The following SCN2A variants were observed in gnomAD, a reference collection of about 807,000 sequenced individuals.
SCN2A encodes the protein sodium voltage-gated channel alpha subunit 2, also known as sodium channel protein type 2 subunit alpha.
A neutral mutation model predicts 188.7 loss-of-function variants in SCN2A; 20 were observed. That is an observed-to-expected ratio of 0.11 (90% CI 0.07 to 0.15). The LOEUF (loss-of-function observed/expected upper bound fraction) is 0.15. Ranked by LOEUF, SCN2A falls within the 10% of genes least tolerant of loss-of-function variation. The pLI, the probability that SCN2A is intolerant of heterozygous loss-of-function variation, is 1.00. For missense variants in SCN2A, 1,278 were observed against 2,445.0 expected (o/e 0.52, Z 10.07); for synonymous variants, 804 against 833.1 (o/e 0.97, Z 0.60).
intron 21 of SCN2A, 126 bp downstream of exon 21, chr2:165,373,473 A>T: frequency 9.5e-7 from 1 of 1,052,158 alleles, no homozygotes; most frequent in Non-Finnish European, 1.4e-6. Context: ...TAGCTAATCA[A>T]TCAAAAATAA....
chr2:165,342,316 A>G lies in SCN2A; in HGVS notation c.2409A>G (p.Thr803=), dbSNP rs1410303600. ...TTTAGGTCTTCACAGGGATCTTCAC[A>G]GCAGAAATGTTTCTCAAGATAATTG... ...VGNLVFTGIF[T]AEMFLKIIAM... The change falls in exon 15 of 27, where the codon ACA becomes ACG. Residue 803 remains threonine, a synonymous_variant. Transcript: ENST00000375437. 1 of 1,613,968 alleles carries G rather than the reference A, an allele frequency of 6.2e-7. No individual in the cohort carries two copies. The highest frequency in any genetic ancestry group is 1.7e-5 in the Admixed American group (1 of 60,030).
chr2:165,291,490 C>CTTTCTTTCTTTCTTTCTTTCT (rs1265345470), intron 1 of SCN2A, among the ~76,000 whole-genome samples: 4 of 22,540 alleles, frequency 1.8e-4, no homozygotes, highest in African/African-American at 5.1e-4. Context: ...TTCTTTCTTT[C>CTTTCTTTCTTTCTTTCTTTCT]TTTTCTTTCT....
intron 20 of SCN2A, chr2:165,372,527 G>T (rs1213878385): frequency 2.0e-5 from 3 of 151,870 alleles, no homozygotes; most frequent in African/African-American, 7.2e-5. Context: ...TATGTCCCCC[G>T]ACCGTTTTTC....
At chr2:165,323,068 A>G (rs1698155466) in intron 11 of SCN2A, 88 bp from the exon 12 acceptor site, 5 of 1,237,986 alleles carry the variant, frequency 4.0e-6, no homozygotes, top group South Asian at 1.3e-5. Context: ...GTCAATGACT[A>G]TGACACAATG....
intron 23 of SCN2A, among the ~76,000 whole-genome samples, chr2:165,377,918 G>T (rs1181103664): frequency 6.6e-6 from 1 of 151,792 alleles, no homozygotes; most frequent in African/African-American, 2.4e-5. Flanking sequence ...TTTTCAAAAT[G>T]AGACATTTTA....
rs112270017 is a variant in SCN2A at position 165,365,154 on chromosome 2, A to G, written c.3411A>G (p.Ala1137=). 1.2e-5 allele frequency: 20 copies of G among 1,613,402 alleles called. No individual in the cohort carries two copies. Among genetic ancestry groups the G allele is most frequent in the African/African-American group, 6.7e-5 (5 of 74,926 alleles). ...GGATTGATTTTCAGAAGCTAAATGCAACTAGTTCATCTGAAGGCAGCACGG... is the reference window on the plus strand; with the variant it reads ...GGATTGATTTTCAGAAGCTAAATGCGACTAGTTCATCTGAAGGCAGCACGG... ...DMEESKEKLN[A]TSSSEGSTVD... Residue 1137 remains alanine, a synonymous_variant, in exon 18 of 27, where the codon GCA becomes GCG. Transcript: ENST00000375437.
chr2:165,273,000 A>G (rs1695171791), intron 1 of SCN2A: 1 of 152,122 alleles, frequency 6.6e-6, no homozygotes, highest in South Asian at 2.1e-4. Flanking sequence ...TATAGGAATT[A>G]TGGTCACAAT....
intron 1 of SCN2A, among the ~76,000 whole-genome samples, chr2:165,262,685 A>G (rs936225644): frequency 6.6e-6 from 1 of 152,094 alleles, no homozygotes; most frequent in Non-Finnish European, 1.5e-5. Context: ...TATTTTTGCA[A>G]TTGTGAATTG....
intron 1 of SCN2A, among the ~76,000 whole-genome samples, chr2:165,283,406 A>G (rs1467578696): frequency 6.6e-6 from 1 of 152,200 alleles, no homozygotes; most frequent in Admixed American, 6.5e-5. Context: ...TAACTCATCA[A>G]TAAATGAATA....
intron 1 of SCN2A, chr2:165,290,553 A>G (rs1696049915): frequency 6.5e-6 from 1 of 154,056 alleles, no homozygotes; most frequent in African/African-American, 2.4e-5. Flanking sequence ...TGTTATTATT[A>G]TGACTAATCT....
chr2:165,373,781 G>A (rs1701168092), intron 21 of SCN2A, among the ~76,000 whole-genome samples: 3 of 152,054 alleles, frequency 2.0e-5, no homozygotes, highest in Admixed American at 1.3e-4. Context: ...AACACAGGCT[G>A]AAATGGCTAA....
chr2:165,374,020 T>C (rs1701183704), intron 21 of SCN2A, among the ~76,000 whole-genome samples: 1 of 152,156 alleles, frequency 6.6e-6, no homozygotes, highest in Admixed American at 6.6e-5. Context: ...AGACTTTATC[T>C]GCATGTTATA....
chr2:165,298,821 T>C (rs548497745), intron 3 of SCN2A, among the ~76,000 whole-genome samples: 3 of 152,250 alleles, frequency 2.0e-5, no homozygotes, highest in East Asian at 3.9e-4. Context: ...TATATAAAAT[T>C]ACGTGGAAAA....
chr2:165,389,890 G>A lies in SCN2A; in HGVS notation c.*66G>A. ...CAGCCCGTGATGGTGATGTGTTTGTGTCAACAGGACTCCCACAGGAGGTCT... is the reference window on the plus strand; with the variant it reads ...CAGCCCGTGATGGTGATGTGTTTGTATCAACAGGACTCCCACAGGAGGTCT... On this transcript the variant is annotated 3_prime_UTR_variant, in exon 27 of 27. Transcript: ENST00000375437. This position sits in a 1 kb window ranked among gnomAD's most constrained non-coding sequence, Gnocchi z 4.2. The A allele has an allele frequency of 6.5e-7, 1 of 1,539,274 alleles. No individual in the cohort carries two copies. Among genetic ancestry groups the A allele is most frequent in the East Asian group, 2.4e-5 (1 of 41,304 alleles).
chr2:165,291,412 CTTCCTCCCTGT>C (rs1696127374), intron 1 of SCN2A, among the ~76,000 whole-genome samples: 6 of 141,184 alleles, frequency 4.2e-5, no homozygotes, highest in African/African-American at 1.3e-4. Flanking sequence ...TCCTTCCTTC[CTTCCTCCCTGT>C]CTGTCTTTCT....
chr2:165,267,442 A>G (rs1317220867), intron 1 of SCN2A: 1 of 152,054 alleles, frequency 6.6e-6, no homozygotes, highest in Admixed American at 6.6e-5. Context: ...TGGTATCCAC[A>G]TGCAGAAGAA....
intron 16 of SCN2A, among the ~76,000 whole-genome samples, chr2:165,348,854 A>G (rs1699742078): frequency 6.6e-6 from 1 of 152,130 alleles, no homozygotes; most frequent in African/African-American, 2.4e-5. Context: ...AGGACTGTTG[A>G]GTGTCCTTAT....
At chr2:165,289,285 A>G (rs1695991357) in intron 1 of SCN2A, among the ~76,000 whole-genome samples, 1 of 152,014 alleles carries the variant, frequency 6.6e-6, no homozygotes, top group Non-Finnish European at 1.5e-5. Context: ...ATCATGTGTA[A>G]TAACATGATT....
chr2:165,260,568 G>A (rs566976509), intron 1 of SCN2A, among the ~76,000 whole-genome samples: 1 of 152,184 alleles, frequency 6.6e-6, no homozygotes, highest in Admixed American at 6.5e-5. Context: ...ATGAGCACTG[G>A]CTTCAACTGA....
Sources: gnomAD v4.1 joint callset for allele counts (sites outside exome capture counted in the v4.1 genomes callset) on GRCh38, gnomAD v4.1.1 for gene constraint, Gnocchi (gnomAD v3.1) non-coding constraint, MANE v1.5 for transcripts, NCBI Gene and HGNC (gene_info 2026-07-23, HGNC 2026-07-21) for gene names.